ESF1: variants seen among roughly 807,000 people sequenced by gnomAD.
ESF1 encodes the protein ESF1 nucleolar pre-rRNA processing protein.
A neutral mutation model predicts 92.0 loss-of-function variants in ESF1; 58 were observed. The ratio of observed to expected loss-of-function variants is 0.63; its 90% CI spans 0.51 to 0.78. The LOEUF (loss-of-function observed/expected upper bound fraction) is 0.78, where lower values mean the gene tolerates loss of function less well. ESF1 is among the 30% of genes least tolerant of loss of function. The probability of loss-of-function intolerance (pLI) is 0.00; values close to 1 mark genes in which losing one functional copy is unlikely to be tolerated. For missense variants in ESF1, 922 were observed against 989.1 expected (o/e 0.93, Z 0.91); for synonymous variants, 321 against 313.7 (o/e 1.02, Z -0.24).
rs1421765858 is a variant in ESF1, at chr20:13,717,361, TG to T, written c.2262+6del. The T allele has an allele frequency of 1.2e-6, 2 of 1,613,626 alleles. No individual in the cohort carries two copies. Among genetic ancestry groups the T allele is most frequent in the African/African-American group, 1.3e-5 (1 of 74,822 alleles). ...TTTAAGAGGCTATGCCTGGTGTCTA[TG>T]GTTACCTCAAAGTCATCCTCTATTA... is the stretch of plus-strand genomic sequence containing the variant. On this transcript the variant is annotated splice_donor_region_variant and intron_variant, in intron 13 of 13. Coordinates refer to ENST00000617257, the MANE Select transcript of ESF1 (RefSeq NM_001276380.2).
At chr20:13,718,816 A>T in intron 12 of ESF1, 92 bp downstream of exon 12, 1 of 813,830 alleles carries the variant, frequency 1.2e-6, no homozygotes, top group Non-Finnish European at 1.8e-6. Flanking sequence ...CTGCTAAAAT[A>T]AGTTGTTTTT....
chr20:13,753,375 T>C (rs1978727188), intron 9 of ESF1, among the ~76,000 whole-genome samples: 1 of 150,684 alleles, frequency 6.6e-6, no homozygotes, highest in African/African-American at 2.4e-5. Context: ...TCACTGCCAA[T>C]TCCCATCCAC....
At chr20:13,746,369 C>T (rs2050048713) in intron 9 of ESF1, among the ~76,000 whole-genome samples, 1 of 152,078 alleles carries the variant, frequency 6.6e-6, no homozygotes, top group Non-Finnish European at 1.5e-5. Flanking sequence ...GAAGTATAAG[C>T]ATTTTTTAAA....
intron 11 of ESF1, among the ~76,000 whole-genome samples, chr20:13,725,308 T>G (rs2049894297): frequency 6.6e-6 from 1 of 152,218 alleles, no homozygotes; most frequent in African/African-American, 2.4e-5. Flanking sequence ...TTCTGTATCT[T>G]AGTAACTTCT....
At chr20:13,756,754 G>T (rs1257261230) in intron 9 of ESF1, among the ~76,000 whole-genome samples, 3 of 152,078 alleles carry the variant, frequency 2.0e-5, no homozygotes, top group Non-Finnish European at 4.4e-5. Flanking sequence ...ACTAACTAGT[G>T]AGTTAAGCCT....
chr20:13,722,420 C>T, intron 11 of ESF1, among the ~76,000 whole-genome samples: 1 of 152,098 alleles, frequency 6.6e-6, no homozygotes. Flanking sequence ...GAGATCACAT[C>T]TATATTTTTT....
intron 9 of ESF1, among the ~76,000 whole-genome samples, chr20:13,748,407 T>TACACATATATATACATAG (rs1978378229): frequency 6.7e-6 from 1 of 149,922 alleles, no homozygotes; most frequent in South Asian, 2.1e-4. Context: ...AGGATATATA[T>TACACATATATATACATAG]ACACATATAT....
intron 11 of ESF1, among the ~76,000 whole-genome samples, chr20:13,723,375 A>T (rs185490635): frequency 2.0e-5 from 3 of 152,042 alleles, no homozygotes; most frequent in African/African-American, 7.2e-5. Flanking sequence ...GCTGCTTTAC[A>T]ATGTTGTAAA....
Position 13,715,168 on chromosome 20 carries a change from C to A in ESF1, c.2263-1G>T. On this transcript the variant is annotated splice_acceptor_variant, in intron 13 of 13. Transcript: ENST00000617257. LOFTEE classifies it high-confidence loss of function. ...GAAACCGTGCATCGTTAACATTTAC[C>A]TGCAAATCCAAAAAAAAAAAAAATT... 3 of 1,455,894 alleles carry A rather than the reference C, an allele frequency of 2.1e-6. No homozygotes were observed. The highest frequency in any genetic ancestry group is 2.7e-6 in the Non-Finnish European group (3 of 1,097,922). 90.2% of individuals were successfully genotyped at this position (1,455,894 alleles called of 1,614,324 possible). A position where few individuals can be genotyped will look rare whatever the true frequency, so the allele number is the denominator to read the frequency against.
chr20:13,770,850 T>C (rs915004555), intron 6 of ESF1, among the ~76,000 whole-genome samples: 6 of 152,238 alleles, frequency 3.9e-5, no homozygotes, highest in African/African-American at 1.4e-4. Flanking sequence ...ATGTTCTATA[T>C]CTGCTCTGTC....
At chr20:13,749,989 C>G (rs989372978) in intron 9 of ESF1, among the ~76,000 whole-genome samples, 11 of 152,204 alleles carry the variant, frequency 7.2e-5, no homozygotes, top group Admixed American at 1.3e-4. Flanking sequence ...TCAGTTTGCA[C>G]AGCCACCAGT....
intron 9 of ESF1, among the ~76,000 whole-genome samples, chr20:13,743,085 T>TAA (rs1600276116): frequency 6.6e-6 from 1 of 152,332 alleles, no homozygotes; most frequent in East Asian, 1.9e-4. Context: ...ATTTATAAGT[T>TAA]ATATAAAACT....
chr20:13,766,891 T>C lies in ESF1; in HGVS notation c.1552A>G (p.Arg518Gly). 6.2e-7 allele frequency: 1 copy of C among 1,613,778 alleles called. No individual in the cohort carries two copies. Among genetic ancestry groups the C allele is most frequent in the East Asian group, 2.2e-5 (1 of 44,818 alleles). The change falls in exon 8 of 14, where the codon AGA becomes GGA. Residue 518 changes from arginine (R) to glycine (G), a missense_variant. Arg to Gly is a moderately radical substitution (Grantham distance 125). Coordinates refer to ENST00000617257, the MANE Select transcript of ESF1 (RefSeq NM_001276380.2). ...EITWDETDHERITMLNRKFKK... is the reference protein window; with the variant it reads ...EITWDETDHEGITMLNRKFKK... The stretch of plus-strand genomic sequence containing the variant: ...AACTTCCTGTTGAGCATTGTAATTC[T>C]TTCATGATCAGTCTCATCCCAAGTG...
chr20:13,734,778 A>T (rs6079154), intron 9 of ESF1, among the ~76,000 whole-genome samples: 1 of 151,870 alleles, frequency 6.6e-6, no homozygotes, highest in East Asian at 1.9e-4. Flanking sequence ...CATTAAAAAA[A>T]GAGACATCAT....
Position 13,775,947 on chromosome 20 carries a change from C to T in ESF1, c.961G>A (p.Asp321Asn). The change falls in exon 3 of 14, where the codon GAT becomes AAT. Residue 321 changes from aspartate (D) to asparagine (N), a missense_variant. Physicochemically the swap from Asp to Asn is conservative, Grantham distance 23 (BLOSUM62 1). Coordinates refer to ENST00000617257, the MANE Select transcript of ESF1 (RefSeq NM_001276380.2). ...TSSEDEDDTA[D>N]LFPEESGFEH... ...AAACCAGATTCTTCTGGAAACAAATCTGCCGTATCATCTTCATCTTCAGAA... is the reference window on the plus strand; with the variant it reads ...AAACCAGATTCTTCTGGAAACAAATTTGCCGTATCATCTTCATCTTCAGAA... 1 of 1,613,812 alleles carries T rather than the reference C, an allele frequency of 6.2e-7. No individual in the cohort carries two copies. The highest frequency in any genetic ancestry group is 8.5e-7 in the Non-Finnish European group (1 of 1,179,882).
At chr20:13,720,783 T>C (rs1459311154) in intron 11 of ESF1, among the ~76,000 whole-genome samples, 6 of 152,236 alleles carry the variant, frequency 3.9e-5, no homozygotes, top group African/African-American at 7.2e-5. Context: ...CTGTTCACTG[T>C]ATTATTCTCT....
chr20:13,735,197 T>G (rs2049968397), intron 9 of ESF1, among the ~76,000 whole-genome samples: 1 of 152,134 alleles, frequency 6.6e-6, no homozygotes. Context: ...GGCCTTGAGC[T>G]TCAACCAACA....
At chr20:13,762,964 CAT>C in intron 8 of ESF1, 1 of 253,952 alleles carries the variant, frequency 3.9e-6, no homozygotes, top group South Asian at 3.6e-5. Flanking sequence ...GGGTTCATGC[CAT>C]TCTCCTGCCT....
At chr20:13,753,421 T>C (rs1978731342) in intron 9 of ESF1, among the ~76,000 whole-genome samples, 1 of 149,664 alleles carries the variant, frequency 6.7e-6, no homozygotes, top group South Asian at 2.2e-4. Flanking sequence ...CCACTCTGAA[T>C]ATCATATTTT....
Sources: gnomAD v4.1 joint callset for allele counts (sites outside exome capture counted in the v4.1 genomes callset) on GRCh38, gnomAD v4.1.1 for gene constraint, MANE v1.5 for transcripts, NCBI Gene and HGNC (gene_info 2026-07-23, HGNC 2026-07-21) for gene names.